Variants in CLSTN2 observed in about 807,000 individuals in gnomAD.
CLSTN2 encodes calsyntenin 2, also known as calsyntenin-2.
CLSTN2 carries 48 observed loss-of-function variants against 101.2 expected under a neutral mutation model. That is an observed-to-expected ratio of 0.47 (90% CI 0.38 to 0.60). The LOEUF is 0.60. Ranked by LOEUF, CLSTN2 falls within the 20% of genes least tolerant of loss-of-function variation. The pLI is 0.00. For missense variants in CLSTN2, 1,160 were observed against 1,238.2 expected (o/e 0.94, Z 0.95); for synonymous variants, 481 against 463.6 (o/e 1.04, Z -0.48).
At chr3:140,412,591 G>C (rs969977813) in intron 4 of CLSTN2, among the ~76,000 whole-genome samples, 4 of 152,182 alleles carry the variant, frequency 2.6e-5, no homozygotes, top group Non-Finnish European at 5.9e-5. Flanking sequence ...CTGGTGTGGG[G>C]AAGTCCAACT....
chr3:140,213,530 G>T (rs1187823805), intron 2 of CLSTN2, among the ~76,000 whole-genome samples: 1 of 152,214 alleles, frequency 6.6e-6, no homozygotes, highest in Non-Finnish European at 1.5e-5. Flanking sequence ...AAAGTGAGGA[G>T]CACATGGCCC....
intron 1 of CLSTN2, among the ~76,000 whole-genome samples, chr3:140,064,155 G>A (rs1450067157): frequency 6.6e-6 from 1 of 152,202 alleles, no homozygotes; most frequent in African/African-American, 2.4e-5. Context: ...TATAAGGATG[G>A]CTTCCAGCTG....
chr3:140,527,470 G>T (rs547568321), intron 8 of CLSTN2, among the ~76,000 whole-genome samples: 3 of 152,134 alleles, frequency 2.0e-5, no homozygotes, highest in African/African-American at 7.2e-5. Flanking sequence ...TATACTGTTA[G>T]TGGGAATGCA....
rs55958260 is a variant in CLSTN2, at chr3:140,216,101, G to A, written c.232+40028G>A. 3.2e-3 allele frequency among the ~76,000 whole-genome samples: 482 copies of A among 152,238 alleles called. 4 individuals carry two copies. The highest frequency in any genetic ancestry group is 1.0e-2 in the African/African-American group (415 of 41,542). On this transcript the variant is annotated intron_variant, in intron 2 of 16. Coordinates refer to ENST00000458420, the MANE Select transcript of CLSTN2 (RefSeq NM_022131.3). ...AGATCAGCATTAGATTCTCATAGGC[G>A]CATGAACCCTATTGTGAACCGTGCA...
intron 1 of CLSTN2, among the ~76,000 whole-genome samples, chr3:139,953,355 A>T (rs576028284): frequency 6.6e-5 from 10 of 152,224 alleles, no homozygotes; most frequent in African/African-American, 2.2e-4. Flanking sequence ...CCCCTGTGAC[A>T]CGCAATTTAC....
chr3:140,315,118 G>A (rs1190711883), intron 2 of CLSTN2, among the ~76,000 whole-genome samples: 3 of 152,210 alleles, frequency 2.0e-5, no homozygotes, highest in Admixed American at 1.3e-4. Context: ...CTGCTGATGA[G>A]GGAAGGGAGG....
intron 1 of CLSTN2, among the ~76,000 whole-genome samples, chr3:140,161,839 C>G (rs1005032830): frequency 6.6e-6 from 1 of 152,188 alleles, no homozygotes; most frequent in African/African-American, 2.4e-5. Context: ...TAAATGTTAA[C>G]AAACCCAAAG....
intron 2 of CLSTN2, among the ~76,000 whole-genome samples, chr3:140,248,138 G>A (rs546106546): frequency 6.6e-6 from 1 of 152,326 alleles, no homozygotes; most frequent in East Asian, 1.9e-4. Flanking sequence ...GGTATCTGAT[G>A]GAGGAGCAGG....
rs151151067 is a variant in CLSTN2 at position 140,005,028 on chromosome 3, A to G, written c.109+69545A>G. ...TCTCCTATGGCCATTGTAGAAGGAT[A>G]GGGAAGAAAGAGTGGTGGTCTGTGG... is the stretch of plus-strand genomic sequence containing the variant. On this transcript the variant is annotated intron_variant, in intron 1 of 16. Coordinates refer to ENST00000458420, the MANE Select transcript of CLSTN2 (RefSeq NM_022131.3). Among the ~76,000 whole-genome samples the G allele has an allele frequency of 3.2e-3, 491 of 152,290 alleles. 4 individuals carry two copies. The highest frequency in any genetic ancestry group is 0.012 in the African/African-American group (479 of 41,554).
At chr3:140,390,680 G>A (rs976467439) in intron 2 of CLSTN2, among the ~76,000 whole-genome samples, 1 of 152,134 alleles carries the variant, frequency 6.6e-6, no homozygotes, top group Non-Finnish European at 1.5e-5. Context: ...TTATGATTGT[G>A]GAGTGTCTAT....
intron 1 of CLSTN2, among the ~76,000 whole-genome samples, chr3:140,161,069 A>G (rs2010039590): frequency 6.6e-6 from 1 of 152,104 alleles, no homozygotes; most frequent in African/African-American, 2.4e-5. Context: ...GATTACTACT[A>G]GTAAGAGCAA....
intron 1 of CLSTN2, among the ~76,000 whole-genome samples, chr3:139,969,123 A>G (rs1374878681): frequency 6.6e-6 from 1 of 152,114 alleles, no homozygotes; most frequent in East Asian, 1.9e-4. Flanking sequence ...TGCGAGATGG[A>G]TAGGAAGGGT....
At chr3:140,032,047 C>T (rs2007563151) in intron 1 of CLSTN2, among the ~76,000 whole-genome samples, 1 of 152,118 alleles carries the variant, frequency 6.6e-6, no homozygotes, top group Admixed American at 6.5e-5. Flanking sequence ...AGAACAAGCA[C>T]AAGTAGAGGT....
At chr3:140,481,559 A>G (rs930053557) in intron 8 of CLSTN2, among the ~76,000 whole-genome samples, 1 of 152,256 alleles carries the variant, frequency 6.6e-6, no homozygotes, top group African/African-American at 2.4e-5. Context: ...TTTTCACGAT[A>G]TTGATTCTTC....
intron 1 of CLSTN2, among the ~76,000 whole-genome samples, chr3:140,002,425 G>A (rs1056744564): frequency 9.2e-5 from 14 of 152,110 alleles, no homozygotes; most frequent in African/African-American, 3.4e-4. Flanking sequence ...TTTACCTATA[G>A]AGTTGTTTGA....
intron 1 of CLSTN2, among the ~76,000 whole-genome samples, chr3:140,004,679 G>T (rs764817487): frequency 1.3e-5 from 2 of 152,140 alleles, no homozygotes; most frequent in Admixed American, 1.3e-4. Context: ...AAAAAGAGAC[G>T]TATTTCCAGT....
intron 2 of CLSTN2, among the ~76,000 whole-genome samples, chr3:140,214,801 T>C (rs906718001): frequency 6.6e-6 from 1 of 152,258 alleles, no homozygotes; most frequent in African/African-American, 2.4e-5. Context: ...CATAATTTAA[T>C]GAAAGCAATC....
chr3:140,337,306 T>G (rs1025074562), intron 2 of CLSTN2, among the ~76,000 whole-genome samples: 1 of 152,222 alleles, frequency 6.6e-6, no homozygotes, highest in Non-Finnish European at 1.5e-5. Context: ...CAAAAGGATC[T>G]GTTCCAGGCC....
chr3:140,181,226 T>A (rs544729725), intron 2 of CLSTN2, among the ~76,000 whole-genome samples: 1 of 152,188 alleles, frequency 6.6e-6, no homozygotes, highest in African/African-American at 2.4e-5. Context: ...CTGGTGTTAA[T>A]ATGTAGATTA....
Sources: gnomAD v4.1 joint callset for allele counts (sites outside exome capture counted in the v4.1 genomes callset) on GRCh38, gnomAD v4.1.1 for gene constraint, MANE v1.5 for transcripts, NCBI Gene and HGNC (gene_info 2026-07-23, HGNC 2026-07-21) for gene names.